GJA1: variants seen among roughly 807,000 people sequenced by gnomAD.
The protein encoded by GJA1 is gap junction protein alpha 1.
In GJA1, 9 loss-of-function variants were observed where a neutral mutation model predicts 31.0. The ratio of observed to expected loss-of-function variants is 0.29; its 90% CI spans 0.17 to 0.51. The LOEUF is 0.51. Among genes scored for constraint, GJA1 ranks in the 20% least tolerant of loss-of-function variants. The probability of loss-of-function intolerance (pLI) is 0.98; values close to 1 mark genes in which losing one functional copy is unlikely to be tolerated. For synonymous variants in GJA1, 186 were observed against 180.1 expected (o/e 1.03, Z -0.26); for missense variants, 278 against 468.8 (o/e 0.59, Z 3.76).
chr6:121,437,067 C>T (rs910491631), intron 1 of GJA1, among the ~76,000 whole-genome samples: 4 of 152,246 alleles, frequency 2.6e-5, no homozygotes, highest in African/African-American at 9.6e-5. Context: ...AAAATGAAAG[C>T]TTTGCGGAGG....
rs1286648094 is a variant in GJA1 at position 121,449,153 on chromosome 6, A to G, written c.*1157A>G. The G allele has an allele frequency of 6.0e-6, 1 of 167,018 alleles. No homozygotes were observed. Among genetic ancestry groups the G allele is most frequent in the Non-Finnish European group, 1.5e-5 (1 of 68,120 alleles). 10.3% of individuals were successfully genotyped at this position (167,018 alleles called of 1,614,324 possible). ...ATGAATTTCCTTTTTCTGAAATGTA[A>G]TCATTGATGCTTGAATGATAGAATT... On this transcript the variant is annotated 3_prime_UTR_variant, in exon 2 of 2. Transcript: ENST00000282561.
At chr6:121,439,938 T>A (rs748072828) in intron 1 of GJA1, among the ~76,000 whole-genome samples, 4 of 152,210 alleles carry the variant, frequency 2.6e-5, no homozygotes, top group Non-Finnish European at 5.9e-5. Context: ...GAACTGGGAA[T>A]CTTTTCCATG....
Position 121,448,798 on chromosome 6 carries a change from T to G in GJA1, c.*802T>G, listed in dbSNP as rs1773935790. On this transcript the variant is annotated 3_prime_UTR_variant, in exon 2 of 2. Coordinates refer to ENST00000282561, the MANE Select transcript of GJA1 (RefSeq NM_000165.5). Reference sequence around the variant, plus strand: ...CTAAAGTCAGGGAATCAAGCCATGCTTAATATTTAACAATCACTTATATGT... The same window carrying G: ...CTAAAGTCAGGGAATCAAGCCATGCGTAATATTTAACAATCACTTATATGT... The G allele has an allele frequency of 6.0e-6, 1 of 167,148 alleles. No homozygotes were observed. 10.4% of individuals were successfully genotyped at this position (167,148 alleles called of 1,614,324 possible). A position where few individuals can be genotyped will look rare whatever the true frequency, so the allele number is the denominator to read the frequency against.
intron 1 of GJA1, among the ~76,000 whole-genome samples, chr6:121,442,094 A>T (rs1773803366): frequency 1.3e-5 from 2 of 152,300 alleles, no homozygotes; most frequent in Middle Eastern, 6.8e-3. Context: ...ATTCTTTCAG[A>T]TATTAAAGTC....
chr6:121,436,184 T>TGGC (rs201190467), intron 1 of GJA1, among the ~76,000 whole-genome samples: 1 of 29,854 alleles, frequency 3.3e-5, no homozygotes, highest in African/African-American at 9.9e-5. Flanking sequence ...ATTTGTTGGG[T>TGGC]GGGGGGGGGG....
At position 121,447,107 on chromosome 6, in the gene GJA1, T is replaced by C; in HGVS notation, c.260T>C (p.Val87Ala). 6.2e-7 allele frequency: 1 copy of C among 1,613,936 alleles called. No homozygotes were observed. Among genetic ancestry groups the C allele is most frequent in the South Asian group, 1.1e-5 (1 of 91,070 alleles). ...FWVLQIIFVS[V>A]PTLLYLAHVF... Reference sequence around the variant, plus strand: ...GTCCTGCAGATCATATTTGTGTCTGTACCCACACTCTTGTACCTGGCTCAT... The same window carrying C: ...GTCCTGCAGATCATATTTGTGTCTGCACCCACACTCTTGTACCTGGCTCAT... Residue 87 changes from valine (V) to alanine (A), a missense_variant, in exon 2 of 2, where the codon GTA becomes GCA. Physicochemically the swap from Val to Ala is moderately conservative, Grantham distance 64. Transcript: ENST00000282561.
In GJA1 at chr6:121,448,340, G is replaced by A; in HGVS notation, c.*344G>A. 3.4e-6 allele frequency: 1 copy of A among 298,142 alleles called. No homozygotes were observed. The highest frequency in any genetic ancestry group is 1.3e-3 in the Middle Eastern group (1 of 792). 18.5% of individuals were successfully genotyped at this position (298,142 alleles called of 1,614,324 possible). A position where few individuals can be genotyped will look rare whatever the true frequency, so the allele number is the denominator to read the frequency against. On this transcript the variant is annotated 3_prime_UTR_variant, in exon 2 of 2. Coordinates refer to ENST00000282561, the MANE Select transcript of GJA1 (RefSeq NM_000165.5). ...TGGTTCTGTGTATGTGAATGAGCGG[G>A]TGGTAATTGTGGCTAAATATTTTTG...
At chr6:121,441,894 G>A (rs1254888868) in intron 1 of GJA1, among the ~76,000 whole-genome samples, 10 of 152,110 alleles carry the variant, frequency 6.6e-5, no homozygotes, top group Admixed American at 5.2e-4. Context: ...TTACTGGAGG[G>A]GCAGAGGTTA....
intron 1 of GJA1, among the ~76,000 whole-genome samples, chr6:121,445,141 T>C (rs538361379): frequency 1.1e-3 from 160 of 152,324 alleles, no homozygotes; most frequent in African/African-American, 3.7e-3. Context: ...GGGATTCTTG[T>C]TGGTTTCTAC....
At chr6:121,437,825 A>G (rs1162206036) in intron 1 of GJA1, among the ~76,000 whole-genome samples, 1 of 152,194 alleles carries the variant, frequency 6.6e-6, no homozygotes, top group East Asian at 1.9e-4. Context: ...TCCTCGACCC[A>G]GTTAGTAACG....
At chr6:121,445,582 G>GA (rs34782269) in intron 1 of GJA1, among the ~76,000 whole-genome samples, 74,419 of 151,954 alleles carry the variant, frequency 0.49, 18,929 homozygotes, top group South Asian at 0.61. Context: ...ATATAACAAT[G>GA]AAAGATGAAA....
At chr6:121,444,569 A>G (rs1029712199) in intron 1 of GJA1, among the ~76,000 whole-genome samples, 1 of 152,204 alleles carries the variant, frequency 6.6e-6, no homozygotes, top group East Asian at 1.9e-4. Context: ...AATGTTGCTT[A>G]CTGAGGAAGA....
intron 1 of GJA1, among the ~76,000 whole-genome samples, chr6:121,443,961 T>A (rs534098343): frequency 5.3e-4 from 80 of 152,348 alleles, no homozygotes; most frequent in African/African-American, 1.8e-3. Flanking sequence ...ATTTTACACA[T>A]CATCACATAG....
chr6:121,445,743 T>TC (rs1415234905), intron 1 of GJA1, among the ~76,000 whole-genome samples: 1 of 152,222 alleles, frequency 6.6e-6, no homozygotes, highest in Non-Finnish European at 1.5e-5. Context: ...GGTTACTACA[T>TC]ATAATGACAC....
intron 1 of GJA1, among the ~76,000 whole-genome samples, chr6:121,442,873 G>A (rs907011931): frequency 6.6e-6 from 1 of 152,146 alleles, no homozygotes; most frequent in Admixed American, 6.5e-5. Context: ...AAAAAGCGTG[G>A]TCCAGCTGCT....
intron 1 of GJA1, among the ~76,000 whole-genome samples, chr6:121,437,760 A>T (rs1030201616): frequency 1.3e-5 from 2 of 152,100 alleles, no homozygotes; most frequent in Non-Finnish European, 2.9e-5. Flanking sequence ...AGAGCTACAC[A>T]ATGTTGTAAA....
rs554446904 is a variant in GJA1, at chr6:121,445,898, G to A, written c.-16-934G>A. On this transcript the variant is annotated intron_variant, in intron 1 of 1. Transcript: ENST00000282561. ...GGCAGGAGGATTTCTTGAGCCCAGG[G>A]GCCTGGGCAACATAGTGAAATCCTA... Among the ~76,000 whole-genome samples the A allele has an allele frequency of 3.0e-4, 46 of 152,016 alleles. No homozygotes were observed. In the South Asian group the frequency reaches 9.2e-3, roughly 30 times the overall value.
In GJA1 at chr6:121,435,794, C is replaced by T. The variant is rs939651406; in HGVS notation, c.-55C>T. 1 of 152,186 alleles carries T rather than the reference C, an allele frequency of 6.6e-6. No individual in the cohort carries two copies. 9.4% of individuals were successfully genotyped at this position (152,186 alleles called of 1,614,324 possible). Reference sequence around the variant, plus strand: ...ATTTTACTTCATCCTCCAAGGAGTTCAATCACTTGGCGTGACTTCACTACT... The same window carrying T: ...ATTTTACTTCATCCTCCAAGGAGTTTAATCACTTGGCGTGACTTCACTACT... On this transcript the variant is annotated 5_prime_UTR_variant, in exon 1 of 2. Transcript: ENST00000282561.
intron 1 of GJA1, among the ~76,000 whole-genome samples, chr6:121,441,082 A>G (rs1403964536): frequency 6.6e-6 from 1 of 152,132 alleles, no homozygotes; most frequent in Non-Finnish European, 1.5e-5. Flanking sequence ...AGCTGGGACT[A>G]CAGGTGCCCG....
Sources: gnomAD v4.1 joint callset for allele counts (sites outside exome capture counted in the v4.1 genomes callset) on GRCh38, gnomAD v4.1.1 for gene constraint, MANE v1.5 for transcripts, NCBI Gene and HGNC (gene_info 2026-07-23, HGNC 2026-07-21) for gene names.